Variants in PRDM15 observed in about 807,000 individuals in gnomAD.
PRDM15 encodes the protein PR/SET domain 15.
In PRDM15, 64 loss-of-function variants were observed where a neutral mutation model predicts 128.6. That is an observed-to-expected ratio of 0.50 (90% CI 0.41 to 0.61). The LOEUF (loss-of-function observed/expected upper bound fraction) is 0.61, where lower values mean the gene tolerates loss of function less well. PRDM15 is among the 20% of genes least tolerant of loss of function. The pLI, the probability that PRDM15 is intolerant of heterozygous loss-of-function variation, is 0.00. For synonymous variants in PRDM15, 615 were observed against 621.8 expected (o/e 0.99, Z 0.16); for missense variants, 1,242 against 1,569.1 (o/e 0.79, Z 3.52).
intron 13 of PRDM15, 26 bp downstream of exon 13, chr21:41,825,934 C>T (rs532061171): frequency 2.9e-5 from 45 of 1,531,954 alleles, no homozygotes; most frequent in Admixed American, 2.5e-4. Context: ...TCCATCTCAG[C>T]GTCCGACGTG....
In PRDM15 at chr21:41,859,627, G is replaced by T; in HGVS notation, c.96C>A (p.Val32=). ...DSECPELGPV[V]MVKDSFVLSR... ...TTAACACAAAGGAGTCTTTGACCAT[G>T]ACCACTGGGCCCAGCTCGGGACATT... Residue 32 remains valine (V), a synonymous_variant, in exon 3 of 24, where the codon GTC becomes GTA. Transcript: ENST00000398548. The surrounding 1 kb of genome is among the most constrained non-coding windows in gnomAD (Gnocchi z 5.3). 1.2e-6 allele frequency: 2 copies of T among 1,614,018 alleles called. No individual in the cohort carries two copies. Among genetic ancestry groups the T allele is most frequent in the South Asian group, 2.2e-5 (2 of 91,054 alleles).
chr21:41,856,263 C>T (rs1173270134), intron 4 of PRDM15, among the ~76,000 whole-genome samples: 2 of 79,620 alleles, frequency 2.5e-5, no homozygotes, highest in Non-Finnish European at 5.1e-5. Context: ...CCTCCCCTCC[C>T]TTCCTTCCTT....
intron 1 of PRDM15, among the ~76,000 whole-genome samples, chr21:41,875,232 C>A (rs947637001): frequency 1.3e-5 from 2 of 152,264 alleles, no homozygotes; most frequent in Admixed American, 6.5e-5. Flanking sequence ...CAGGGGGTAC[C>A]CCAAGCTGGC....
rs1473782606 is a variant in PRDM15, at chr21:41,859,909, A to G, written c.38-224T>C. On this transcript the variant is annotated intron_variant, in intron 2 of 23. Transcript: ENST00000398548. The surrounding 1 kb of genome is among the most constrained non-coding windows in gnomAD (Gnocchi z 5.3). Reference sequence around the variant, plus strand: ...GTGCACACATGAGGAGTGCAAAGGCAGGACACGCCCCCAGGGAAAGCTCTA... The same window carrying G: ...GTGCACACATGAGGAGTGCAAAGGCGGGACACGCCCCCAGGGAAAGCTCTA... 6.6e-6 allele frequency among the ~76,000 whole-genome samples: 1 copy of G among 152,176 alleles called. No homozygotes were observed. Among genetic ancestry groups the G allele is most frequent in the African/African-American group, 2.4e-5 (1 of 41,458 alleles).
intron 11 of PRDM15, among the ~76,000 whole-genome samples, chr21:41,833,938 C>T (rs2062780875): frequency 6.6e-6 from 1 of 152,240 alleles, no homozygotes; most frequent in African/African-American, 2.4e-5. Flanking sequence ...TACACTCCTG[C>T]AGGACTGCGG....
At chr21:41,876,894 C>T (rs2064437700) in intron 1 of PRDM15, among the ~76,000 whole-genome samples, 2 of 152,174 alleles carry the variant, frequency 1.3e-5, no homozygotes, top group South Asian at 4.2e-4. Flanking sequence ...TCCAGTGATG[C>T]CAGCTCCATT....
Position 41,859,114 on chromosome 21 carries a change from C to G in PRDM15, c.131+478G>C. 1 of 1,606,976 alleles carries G rather than the reference C, an allele frequency of 6.2e-7. No homozygotes were observed. The highest frequency in any genetic ancestry group is 2.2e-5 in the East Asian group (1 of 44,650). On this transcript the variant is annotated intron_variant, in intron 3 of 23. Coordinates refer to ENST00000398548, the MANE Select transcript of PRDM15 (RefSeq NM_001040424.3). This position sits in a 1 kb window ranked among gnomAD's most constrained non-coding sequence, Gnocchi z 5.3. The stretch of plus-strand genomic sequence containing the variant: ...GCTGCTGCCCACTGAGCCGCCTCAC[C>G]AGGCCTGCAGGGACTGCTTCTGGAA...
In PRDM15 at chr21:41,862,330, G is replaced by A. The variant is rs775325898; in HGVS notation, c.-9-1958C>T. ...CGGAGTGGGAGGATGGAAGGAAGTC[G>A]TCCTGGCCTTGCTTACTTGGGAGCC... On this transcript the variant is annotated intron_variant, in intron 1 of 23. Transcript: ENST00000398548. This position sits in a 1 kb window ranked among gnomAD's most constrained non-coding sequence, Gnocchi z 4.1. 1.1e-4 allele frequency among the ~76,000 whole-genome samples: 17 copies of A among 152,282 alleles called. No homozygotes were observed. Among genetic ancestry groups the A allele is most frequent in the Non-Finnish European group, 1.9e-4 (13 of 68,020 alleles).
intron 2 of PRDM15, 151 bp downstream of exon 2, chr21:41,860,176 G>A: frequency 1.7e-6 from 1 of 602,944 alleles, no homozygotes; most frequent in Non-Finnish European, 2.9e-6. Flanking sequence ...TTAAATAAAT[G>A]TTTCATAGGG....
At chr21:41,809,352 C>G (rs2061787413) in intron 21 of PRDM15, among the ~76,000 whole-genome samples, 1 of 151,912 alleles carries the variant, frequency 6.6e-6, no homozygotes. Context: ...GCTGCCTCAG[C>G]CTCCCGAGTA....
Position 41,802,902 on chromosome 21 carries a change from T to G in PRDM15, c.2753A>C (p.Gln918Pro), listed in dbSNP as rs1217853644. The G allele has an allele frequency of 6.2e-7, 1 of 1,613,918 alleles. No individual in the cohort carries two copies. The highest frequency in any genetic ancestry group is 1.3e-5 in the African/African-American group (1 of 74,926). ...GTGCTTCCCTTCGGCCAAATCCTCC[T>G]GCTCCAGAGTCAGCTCAGGCTGCAG... is the stretch of plus-strand genomic sequence containing the variant. ...GIVQPELTLEQEDLAEGKHGK... is the reference protein window; with the variant it reads ...GIVQPELTLEPEDLAEGKHGK... The change falls in exon 23 of 24, where the codon CAG (glutamine) becomes CCG (proline). Residue 918 changes from glutamine to proline, a missense_variant. Around this residue, in one of 3 missense-constraint regions of PRDM15, gnomAD observed 602 missense variants for 788.3 expected, o/e 0.76. Transcript: ENST00000398548.
At chr21:41,820,334 T>C (rs1255294697) in intron 16 of PRDM15, among the ~76,000 whole-genome samples, 160 bp from the exon 17 acceptor site, 1 of 152,236 alleles carries the variant, frequency 6.6e-6, no homozygotes, top group Non-Finnish European at 1.5e-5. Flanking sequence ...GGCTCAATCG[T>C]AACCCCCCGA....
intron 5 of PRDM15, among the ~76,000 whole-genome samples, chr21:41,853,398 G>C (rs533539210): frequency 6.6e-6 from 1 of 152,122 alleles, no homozygotes; most frequent in Non-Finnish European, 1.5e-5. Flanking sequence ...TTGGGAGGGG[G>C]GTCAGGAGAG....
In PRDM15 at chr21:41,847,045, G is replaced by A. The variant is rs368884886; in HGVS notation, c.640+45C>T. 191 of 1,294,084 alleles carry A rather than the reference G, an allele frequency of 1.5e-4. 2 individuals carry two copies. The highest frequency in any genetic ancestry group is 1.2e-4 in the Admixed American group (6 of 49,006). The allele number at this position is 1,294,084 out of a possible 1,614,324, so 80.2% of individuals were successfully genotyped here. On this transcript the variant is annotated intron_variant, in intron 6 of 23. Coordinates refer to ENST00000398548, the MANE Select transcript of PRDM15 (RefSeq NM_001040424.3). ...TGACAGCGTAAGTCAGAGAGAAATCGACACAGGAGTTTTACAACTGGGGCT... is the reference window on the plus strand; with the variant it reads ...TGACAGCGTAAGTCAGAGAGAAATCAACACAGGAGTTTTACAACTGGGGCT...
At chr21:41,865,213 ACTC>A (rs971282368) in intron 1 of PRDM15, among the ~76,000 whole-genome samples, 1 of 149,270 alleles carries the variant, frequency 6.7e-6, no homozygotes, top group African/African-American at 2.5e-5. Flanking sequence ...ATGCCTGCTC[ACTC>A]CTCAGTCTTA....
At position 41,866,629 on chromosome 21, in the gene PRDM15, C is replaced by T. The variant is rs56825622; in HGVS notation, c.-9-6257G>A. ...AAGCCAACAATGCTGTTCTTGGAAT[C>T]TGCAGCCTGGCACCCACAAGACCAT... is the stretch of plus-strand genomic sequence containing the variant. On this transcript the variant is annotated intron_variant, in intron 1 of 23. Coordinates refer to ENST00000398548, the MANE Select transcript of PRDM15 (RefSeq NM_001040424.3). Among the ~76,000 whole-genome samples the T allele has an allele frequency of 3.6e-3, 544 of 152,382 alleles. 23 individuals are homozygous for T. The East Asian group carries it at 0.087, about 24-fold the overall frequency.
Position 41,811,022 on chromosome 21 carries a change from T to C in PRDM15, c.2393-186A>G, listed in dbSNP as rs1403697252. 3 of 577,182 alleles carry C rather than the reference T, an allele frequency of 5.2e-6. No individual in the cohort carries two copies. The highest frequency in any genetic ancestry group is 1.9e-5 in the African/African-American group (1 of 53,888). 35.8% of individuals were successfully genotyped at this position (577,182 alleles called of 1,614,324 possible). Reference sequence around the variant, plus strand: ...CCAGCAAAGTGTGGCTTGGAAAGTTTATGCTTCCATAGTGACATTTCATAT... The same window carrying C: ...CCAGCAAAGTGTGGCTTGGAAAGTTCATGCTTCCATAGTGACATTTCATAT... On this transcript the variant is annotated intron_variant, in intron 19 of 23. Transcript: ENST00000398548. The surrounding 1 kb of genome is among the most constrained non-coding windows in gnomAD (Gnocchi z 4.1).
In PRDM15 at chr21:41,859,482, G is replaced by T; in HGVS notation, c.131+110C>A. 2 of 860,404 alleles carry T rather than the reference G, an allele frequency of 2.3e-6. No homozygotes were observed. The highest frequency in any genetic ancestry group is 1.8e-6 in the Non-Finnish European group (1 of 550,094). 53.3% of individuals were successfully genotyped at this position (860,404 alleles called of 1,614,324 possible). A position where few individuals can be genotyped will look rare whatever the true frequency, so the allele number is the denominator to read the frequency against. ...GGAATCGCTGGCTCTCACTCAGAGT[G>T]CCTCTGTTCTCCCTCAGGCTCCTTC... On this transcript the variant is annotated intron_variant, in intron 3 of 23. Coordinates refer to ENST00000398548, the MANE Select transcript of PRDM15 (RefSeq NM_001040424.3). The surrounding 1 kb of genome is among the most constrained non-coding windows in gnomAD (Gnocchi z 5.3).
Position 41,804,608 on chromosome 21 carries a change from C to T in PRDM15, c.2659G>A (p.Ala887Thr), listed in dbSNP as rs374097080. The T allele has an allele frequency of 2.1e-5, 33 of 1,561,126 alleles. No individual in the cohort carries two copies. The highest frequency in any genetic ancestry group is 6.8e-5 in the African/African-American group (5 of 74,064). Residue 887 changes from alanine (A) to threonine (T), a missense_variant, in exon 22 of 24, where the codon GCG becomes ACG. By Grantham distance (58) the Ala-to-Thr change is moderately conservative. Coordinates refer to ENST00000398548, the MANE Select transcript of PRDM15 (RefSeq NM_001040424.3). ...HMRRKHPEVLAVRIDDLDHLP... is the reference protein window; with the variant it reads ...HMRRKHPEVLTVRIDDLDHLP... ...TGGTCCAGGTCATCGATCCTCACCG[C>T]GAGCACCTATGAGGAGCACAGGGCA...
Sources: allele counts gnomAD v4.1 joint callset (sites outside exome capture counted in the v4.1 genomes callset), GRCh38; gene constraint gnomAD v4.1.1; regional missense constraint gnomAD v4.1.1; non-coding constraint Gnocchi (gnomAD v3.1); transcripts MANE v1.5; gene names NCBI Gene and HGNC (gene_info 2026-07-23, HGNC 2026-07-21).